Variants in MDN1 observed in about 807,000 individuals in gnomAD.
MDN1 encodes midasin.
In MDN1, 266 loss-of-function variants were observed where a neutral mutation model predicts 669.2. That is an observed-to-expected ratio of 0.40 (90% CI 0.36 to 0.44). The LOEUF is 0.44. MDN1 is among the 20% of genes least tolerant of loss of function. The pLI, the probability that MDN1 is intolerant of heterozygous loss-of-function variation, is 1.00. For missense variants in MDN1, 5,940 were observed against 6,754.0 expected, an observed-to-expected ratio of 0.88 and a Z score of 4.22; for synonymous variants, 2,385 against 2,457.1, an observed-to-expected ratio of 0.97 and a Z score of 0.87.
intron 92 of MDN1, among the ~76,000 whole-genome samples, chr6:89,654,953 T>A (rs1282999627): frequency 1.3e-5 from 2 of 152,156 alleles, no homozygotes; most frequent in Admixed American, 1.3e-4. Flanking sequence ...CGTGAGTGAG[T>A]TCTTAAACCA....
At position 89,713,281 on chromosome 6, in the gene MDN1, G is replaced by A. The variant is rs1814085977; in HGVS notation, c.7085C>T (p.Ser2362Phe). ...GGCTGTCTGGATTAGAGTTGATACA[G>A]AAGATGTTGGAGAACCTATTAAAAA... ...RSTVVGSPTS[S>F]VSTLIQTAIL... Residue 2362 changes from serine (S) to phenylalanine (F), a missense_variant, in exon 47 of 102, where the codon TCT becomes TTT. Transcript: ENST00000369393. 3 of 1,610,862 alleles carry A rather than the reference G, an allele frequency of 1.9e-6. No homozygotes were observed. The highest frequency in any genetic ancestry group is 2.7e-5 in the African/African-American group (2 of 74,678).
rs910820826 is a variant in MDN1, at chr6:89,643,289, G to A, written c.*716C>T. On this transcript the variant is annotated 3_prime_UTR_variant, in exon 102 of 102. Coordinates refer to ENST00000369393, the MANE Select transcript of MDN1 (RefSeq NM_014611.3). ...GGACCATGGCACTGAATGAAATAAA[G>A]GGGCAATCACCTTCCCATCATTGCA... The A allele has an allele frequency of 6.6e-6, 1 of 152,098 alleles. No individual in the cohort carries two copies. The highest frequency in any genetic ancestry group is 2.4e-5 in the African/African-American group (1 of 41,426). The allele number at this position is 152,098 out of a possible 1,614,324, so 9.4% of individuals were successfully genotyped here.
chr6:89,700,810 T>G lies in MDN1; in HGVS notation c.8474A>C (p.Lys2825Thr). 1 of 1,614,200 alleles carries G rather than the reference T, an allele frequency of 6.2e-7. No individual in the cohort carries two copies. Among genetic ancestry groups the G allele is most frequent in the Non-Finnish European group, 8.5e-7 (1 of 1,180,038 alleles). ...ECFSQLKVLN[K>T]VLAIREQMSA... Reference sequence around the variant, plus strand: ...CATCTGCTCCCTGATGGCAAGGACTTTGTTAAGGACCTTCAGTTGTGAAAA... The same window carrying G: ...CATCTGCTCCCTGATGGCAAGGACTGTGTTAAGGACCTTCAGTTGTGAAAA... The change falls in exon 56 of 102, where the codon AAA becomes ACA. Residue 2825 changes from lysine to threonine, a missense_variant. Coordinates refer to ENST00000369393, the MANE Select transcript of MDN1 (RefSeq NM_014611.3).
At chr6:89,722,651 C>G (rs987352411) in intron 40 of MDN1, among the ~76,000 whole-genome samples, 6 of 152,102 alleles carry the variant, frequency 3.9e-5, no homozygotes, top group Non-Finnish European at 1.5e-5. Context: ...GAGTAGAGAT[C>G]TGCCTGACCA....
Position 89,716,824 on chromosome 6 carries a change from G to A in MDN1, c.6584-15C>T. On this transcript the variant is annotated splice_polypyrimidine_tract_variant and intron_variant, in intron 43 of 101. Coordinates refer to ENST00000369393, the MANE Select transcript of MDN1 (RefSeq NM_014611.3). Reference sequence around the variant, plus strand: ...TTTGGCAAACTCTGAAATGTCACAGGGAAGAATCACCATCCACAGCACTTA... The same window carrying A: ...TTTGGCAAACTCTGAAATGTCACAGAGAAGAATCACCATCCACAGCACTTA... The A allele has an allele frequency of 6.3e-7, 1 of 1,590,516 alleles. No homozygotes were observed. Among genetic ancestry groups the A allele is most frequent in the Middle Eastern group, 1.7e-4 (1 of 5,976 alleles).
At chr6:89,682,758 AGTGAGACCTCATCTCT>A (rs1562082925) in intron 73 of MDN1, among the ~76,000 whole-genome samples, 1 of 137,400 alleles carries the variant, frequency 7.3e-6, no homozygotes. Flanking sequence ...TGGGCAACAA[AGTGAGACCTCATCTCT>A]ACAAAAAAAA....
chr6:89,768,521 A>C (rs1817915810), intron 15 of MDN1, among the ~76,000 whole-genome samples: 1 of 152,204 alleles, frequency 6.6e-6, no homozygotes, highest in Admixed American at 6.5e-5. Context: ...CTTTATCAGC[A>C]GTGTGAGAAC....
chr6:89,768,204 C>T (rs978105863), intron 15 of MDN1, among the ~76,000 whole-genome samples: 3 of 151,980 alleles, frequency 2.0e-5, no homozygotes, highest in African/African-American at 7.2e-5. Context: ...GGCTGTGTCC[C>T]CAACCAAATC....
At chr6:89,783,316 G>C (rs1229457308) in intron 9 of MDN1, among the ~76,000 whole-genome samples, 1 of 152,096 alleles carries the variant, frequency 6.6e-6, no homozygotes, top group Non-Finnish European at 1.5e-5. Flanking sequence ...GGGAATGCCT[G>C]TCTTATGCGG....
intron 1 of MDN1, among the ~76,000 whole-genome samples, chr6:89,812,395 A>G (rs977504218): frequency 6.6e-6 from 1 of 152,028 alleles, no homozygotes; most frequent in Non-Finnish European, 1.5e-5. Context: ...CCCGGCCAGG[A>G]AAAAATATTT....
chr6:89,767,259 G>T (rs1471569584), intron 15 of MDN1, among the ~76,000 whole-genome samples: 1 of 152,060 alleles, frequency 6.6e-6, no homozygotes, highest in African/African-American at 2.4e-5. Flanking sequence ...ACAAAAACGA[G>T]TTTAAAATTA....
At chr6:89,747,512 A>G in intron 26 of MDN1, 42 bp from the exon 27 acceptor site, 1 of 1,587,030 alleles carries the variant, frequency 6.3e-7, no homozygotes, top group Admixed American at 1.8e-5. Flanking sequence ...CATCAGCTGC[A>G]ATGCATGGTA....
At position 89,819,489 on chromosome 6, in the gene MDN1, C is replaced by T; in HGVS notation, c.102+17G>A. ...ACCCAGTCGTTCCGGCGCTTTCCCT[C>T]TCCCTTCACGTCTTACCTGCTTGGC... On this transcript the variant is annotated intron_variant, in intron 1 of 101. Coordinates refer to ENST00000369393, the MANE Select transcript of MDN1 (RefSeq NM_014611.3). 2.5e-6 allele frequency: 4 copies of T among 1,602,634 alleles called. No homozygotes were observed. In the East Asian group the frequency reaches 8.9e-5, roughly 36 times the overall value.
In MDN1 at chr6:89,688,508, G is replaced by A. The variant is rs1812170170; in HGVS notation, c.11259+65C>T. 6.9e-6 allele frequency: 10 copies of A among 1,446,064 alleles called. No individual in the cohort carries two copies. In the Admixed American group the frequency reaches 1.5e-4, roughly 21 times the overall value. 89.6% of individuals were successfully genotyped at this position (1,446,064 alleles called of 1,614,324 possible). ...GCAAGTGGGTGCCCCCAGGGATAAT[G>A]GTGAGGCTGCATCCTCATTGCAGAC... On this transcript the variant is annotated intron_variant, in intron 66 of 101. Transcript: ENST00000369393.
chr6:89,701,223 T>A (rs979536246), intron 55 of MDN1, among the ~76,000 whole-genome samples: 1 of 152,284 alleles, frequency 6.6e-6, no homozygotes, highest in Non-Finnish European at 1.5e-5. Context: ...AGGACTTTTT[T>A]ATCTTGTCAT....
intron 2 of MDN1, among the ~76,000 whole-genome samples, chr6:89,801,648 T>TAA (rs1767671368): frequency 8.1e-6 from 1 of 123,358 alleles, no homozygotes; most frequent in Non-Finnish European, 1.6e-5. Flanking sequence ...AGACTCCGTC[T>TAA]CAAAAAAAAA....
chr6:89,670,139 CATAT>C lies in MDN1; in HGVS notation c.13956+776_13956+779del, dbSNP rs1168606501. ...TTTGGAGACTCTGTCTCCAAAAAAA[CATAT>C]ATATATATATATATATATATATATA... On this transcript the variant is annotated intron_variant, in intron 83 of 101. Transcript: ENST00000369393. 2.4e-3 allele frequency among the ~76,000 whole-genome samples: 119 copies of C among 48,918 alleles called. 1 individual carries two copies. Among genetic ancestry groups the C allele is most frequent in the Middle Eastern group, 0.023 (1 of 44 alleles). 32.1% of individuals were successfully genotyped at this position (48,918 alleles called of 152,430 possible).
intron 31 of MDN1, among the ~76,000 whole-genome samples, chr6:89,742,567 A>C (rs957896033): frequency 1.3e-5 from 2 of 152,186 alleles, no homozygotes; most frequent in South Asian, 4.1e-4. Flanking sequence ...ATAGCTTGCA[A>C]GAAGAACCCA....
At chr6:89,720,536 C>T (rs903750045) in intron 40 of MDN1, among the ~76,000 whole-genome samples, 7 of 152,084 alleles carry the variant, frequency 4.6e-5, no homozygotes, top group African/African-American at 7.2e-5. Context: ...TTGTCTCCCC[C>T]GCTAGAAAAC....
Sources: allele counts gnomAD v4.1 joint callset (sites outside exome capture counted in the v4.1 genomes callset), GRCh38; gene constraint gnomAD v4.1.1; transcripts MANE v1.5; gene names NCBI Gene and HGNC (gene_info 2026-07-23, HGNC 2026-07-21).